The following ATXN8OS variants were observed in gnomAD, a reference collection of about 807,000 sequenced individuals.
ATXN8OS encodes ATXN8 opposite strand (non-protein coding).
chr13:70,157,691 T>G, intron 4 of ATXN8OS, among the ~76,000 whole-genome samples: 1 of 152,104 alleles, frequency 6.6e-6, no homozygotes, highest in Admixed American at 6.5e-5. Flanking sequence ...ACGGAGAACC[T>G]TATATTGTGC....
intron 2 of ATXN8OS, among the ~76,000 whole-genome samples, chr13:70,124,197 C>T (rs1207631371): frequency 1.3e-5 from 2 of 152,014 alleles, no homozygotes; most frequent in African/African-American, 2.4e-5. Context: ...TATTGGTGGG[C>T]GGTCTCAGCT....
intron 4 of ATXN8OS, among the ~76,000 whole-genome samples, chr13:70,160,754 T>C (rs535968064): frequency 8.4e-5 from 3 of 35,732 alleles, no homozygotes; most frequent in African/African-American, 1.8e-4. Context: ...TATATAATTT[T>C]ATATTTATAT....
At chr13:70,138,148 C>G (rs1888645151) in intron 3 of ATXN8OS, among the ~76,000 whole-genome samples, 1 of 152,176 alleles carries the variant, frequency 6.6e-6, no homozygotes, top group Admixed American at 6.6e-5. Flanking sequence ...CGACACAGAG[C>G]CAGACCATAT....
At chr13:70,148,810 T>A (rs977980091) in intron 4 of ATXN8OS, among the ~76,000 whole-genome samples, 17 of 152,224 alleles carry the variant, frequency 1.1e-4, no homozygotes, top group Middle Eastern at 3.4e-3. Context: ...AAATATGTGA[T>A]CTTTAAGGGC....
exon 5 of ATXN8OS, among the ~76,000 whole-genome samples, chr13:70,171,610 G>C (rs555486785): frequency 6.6e-6 from 1 of 152,120 alleles, no homozygotes; most frequent in South Asian, 2.1e-4. Flanking sequence ...GAACTACCCT[G>C]GTATATGCAG....
intron 4 of ATXN8OS, among the ~76,000 whole-genome samples, chr13:70,154,697 A>C (rs150118515): frequency 7.8e-4 from 119 of 152,316 alleles, no homozygotes; most frequent in African/African-American, 2.5e-3. Context: ...GCAATCCCTC[A>C]ACAAAGAGAG....
At chr13:70,134,540 T>G (rs1429832325) in intron 3 of ATXN8OS, among the ~76,000 whole-genome samples, 7 of 152,130 alleles carry the variant, frequency 4.6e-5, no homozygotes, top group Admixed American at 3.9e-4. Flanking sequence ...TCCAACTACA[T>G]GGAGGATAGC....
At chr13:70,121,131 G>C (rs938148987) in intron 2 of ATXN8OS, among the ~76,000 whole-genome samples, 2 of 151,610 alleles carry the variant, frequency 1.3e-5, no homozygotes, top group African/African-American at 4.8e-5. Context: ...CTAAAGGAGA[G>C]AAAAGATAAA....
exon 2 of ATXN8OS, chr13:70,115,211 A>G (rs2137470636): frequency 2.5e-6 from 1 of 398,508 alleles, no homozygotes; most frequent in Middle Eastern, 6.3e-4. Flanking sequence ...TGCTCTGAAC[A>G]CACATAGTAG....
At chr13:70,108,651 G>A (rs1304691886) in intron 1 of ATXN8OS, among the ~76,000 whole-genome samples, 1 of 152,182 alleles carries the variant, frequency 6.6e-6, no homozygotes, top group Non-Finnish European at 1.5e-5. Flanking sequence ...CTACATTACT[G>A]TGTAGCAATA....
At chr13:70,115,457 T>C (rs1888264984) in intron 2 of ATXN8OS, among the ~76,000 whole-genome samples, 1 of 152,172 alleles carries the variant, frequency 6.6e-6, no homozygotes, top group African/African-American at 2.4e-5. Flanking sequence ...GCAGTGTGTA[T>C]TGTTTTCAAG....
chr13:70,160,206 A>G (rs1775075841), intron 4 of ATXN8OS, among the ~76,000 whole-genome samples: 1 of 152,106 alleles, frequency 6.6e-6, no homozygotes, highest in African/African-American at 2.4e-5. Context: ...TTGGATTTTC[A>G]TATATTGTAT....
intron 4 of ATXN8OS, among the ~76,000 whole-genome samples, chr13:70,158,705 A>G (rs1273674574): frequency 2.0e-5 from 3 of 152,202 alleles, no homozygotes; most frequent in Non-Finnish European, 4.4e-5. Context: ...TAAACAAATG[A>G]GCACGGTTGT....
intron 2 of ATXN8OS, among the ~76,000 whole-genome samples, chr13:70,118,593 T>G (rs943135725): frequency 6.6e-6 from 1 of 152,042 alleles, no homozygotes; most frequent in African/African-American, 2.4e-5. Context: ...GACTGGAAAT[T>G]TTTTTAAAAA....
chr13:70,162,118 G>A (rs1889016988), intron 4 of ATXN8OS, among the ~76,000 whole-genome samples: 1 of 152,034 alleles, frequency 6.6e-6, no homozygotes, highest in South Asian at 2.1e-4. Context: ...TGCACATTGA[G>A]TTAAAATTGT....
intron 2 of ATXN8OS, among the ~76,000 whole-genome samples, chr13:70,117,231 C>T (rs1341237394): frequency 1.3e-5 from 2 of 152,044 alleles, no homozygotes; most frequent in African/African-American, 4.8e-5. Flanking sequence ...CTCTCACACA[C>T]ATACACATAT....
At chr13:70,117,523 C>T (rs1430189031) in intron 2 of ATXN8OS, among the ~76,000 whole-genome samples, 3 of 152,052 alleles carry the variant, frequency 2.0e-5, no homozygotes, top group Non-Finnish European at 2.9e-5. Flanking sequence ...TTGCATAAAG[C>T]ATTTAAATTA....
At chr13:70,137,511 T>C (rs1888635006) in intron 3 of ATXN8OS, among the ~76,000 whole-genome samples, 1 of 152,222 alleles carries the variant, frequency 6.6e-6, no homozygotes, top group Non-Finnish European at 1.5e-5. Context: ...ATATTTCATC[T>C]GACAAAATGG....
intron 2 of ATXN8OS, chr13:70,115,346 C>T (rs1888259844): frequency 2.5e-6 from 1 of 397,636 alleles, no homozygotes; most frequent in Non-Finnish European, 4.4e-6. Context: ...GGAGGGAGTC[C>T]TCATGACAGA....
Sources: gnomAD v4.1 joint callset for allele counts (sites outside exome capture counted in the v4.1 genomes callset) on GRCh38, gnomAD v4.1.1 for gene constraint, MANE v1.5 for transcripts, NCBI Gene and HGNC (gene_info 2026-07-23, HGNC 2026-07-21) for gene names.